ANKRD42: variants seen among roughly 807,000 people sequenced by gnomAD.
ANKRD42 encodes ankyrin repeat domain 42, also known as ankyrin repeat domain-containing protein 42.
ANKRD42 carries 43 observed loss-of-function variants against 51.5 expected under a neutral mutation model. The ratio of observed to expected loss-of-function variants is 0.83; its 90% confidence interval spans 0.65 to 1.08. ANKRD42 has a LOEUF of 1.08. ANKRD42 is among the 50% of genes least tolerant of loss of function. ANKRD42 has a pLI of 0.00. For missense variants in ANKRD42, 608 were observed against 629.3 expected (o/e 0.97, Z 0.36); for synonymous variants, 203 against 213.0 (o/e 0.95, Z 0.41).
chr11:83,245,834 T>C (rs1863525516), intron 10 of ANKRD42, among the ~76,000 whole-genome samples: 1 of 152,208 alleles, frequency 6.6e-6, no homozygotes, highest in African/African-American at 2.4e-5. Flanking sequence ...TAACCATTTT[T>C]TAAGTATACG....
chr11:83,212,622 A>T, intron 5 of ANKRD42: 1 of 1,471,614 alleles, frequency 6.8e-7, no homozygotes. Flanking sequence ...AATAATATGA[A>T]CAGGCCTGAT....
intron 9 of ANKRD42, 74 bp downstream of exon 9, chr11:83,241,008 C>A: frequency 6.7e-7 from 1 of 1,494,968 alleles, no homozygotes. Flanking sequence ...AATTTGGAAA[C>A]TATTCTAAAG....
intron 5 of ANKRD42, chr11:83,214,328 T>G (rs1862444473): frequency 9.7e-6 from 6 of 620,234 alleles, no homozygotes; most frequent in Non-Finnish European, 1.2e-5. Flanking sequence ...TTCATATTTA[T>G]ATTCCCAATC....
At chr11:83,245,354 G>T in intron 9 of ANKRD42, 144 bp from the exon 10 acceptor site, 2 of 759,520 alleles carry the variant, frequency 2.6e-6, no homozygotes, top group South Asian at 2.2e-5. Context: ...ATCCTTCTTT[G>T]TATATACCAA....
intron 5 of ANKRD42, among the ~76,000 whole-genome samples, chr11:83,212,239 G>A (rs535605658): frequency 1.3e-5 from 2 of 151,888 alleles, no homozygotes; most frequent in Non-Finnish European, 2.9e-5. Context: ...CTGCCACCAC[G>A]CCTGGCTACT....
downstream of ANKRD42, among the ~76,000 whole-genome samples, chr11:83,250,417 GAT>G (rs1250279007): frequency 6.6e-6 from 1 of 152,074 alleles, no homozygotes; most frequent in African/African-American, 2.4e-5. Flanking sequence ...GAGGTAGAAT[GAT>G]ATATATATTT....
downstream of ANKRD42, among the ~76,000 whole-genome samples, chr11:83,263,798 C>G (rs548525978): frequency 5.3e-5 from 8 of 152,270 alleles, no homozygotes; most frequent in African/African-American, 1.7e-4. Context: ...TTGAGGCACA[C>G]AGTCACAGAT....
chr11:83,249,085 A>ACACAG, downstream of ANKRD42: 1 of 718,016 alleles, frequency 1.4e-6, no homozygotes. Flanking sequence ...GGGCTAGAGG[A>ACACAG]CACAGCACCA....
downstream of ANKRD42, chr11:83,259,281 T>C (rs1184533190): frequency 1.3e-5 from 2 of 152,300 alleles, no homozygotes; most frequent in East Asian, 1.9e-4. Context: ...CTCATCCTTA[T>C]TTCATATATT....
downstream of ANKRD42, chr11:83,257,362 T>A (rs1863792114): frequency 2.2e-6 from 1 of 453,806 alleles, no homozygotes; most frequent in African/African-American, 2.0e-5. Context: ...AATTCTTTGC[T>A]AGCTGGAGGG....
At chr11:83,242,448 A>G (rs1484538927) in intron 9 of ANKRD42, among the ~76,000 whole-genome samples, 1 of 151,670 alleles carries the variant, frequency 6.6e-6, no homozygotes, top group Non-Finnish European at 1.5e-5. Flanking sequence ...GATTTGGTGT[A>G]TTTAGAAGAG....
At chr11:83,199,948 G>T (rs526933) in intron 2 of ANKRD42, among the ~76,000 whole-genome samples, 1 of 151,874 alleles carries the variant, frequency 6.6e-6, no homozygotes, top group Non-Finnish European at 1.5e-5. Context: ...GCTGGTATCC[G>T]TGGGTAGGTG....
At chr11:83,230,733 T>A (rs1452463077) in intron 7 of ANKRD42, among the ~76,000 whole-genome samples, 1 of 152,012 alleles carries the variant, frequency 6.6e-6, no homozygotes, top group African/African-American at 2.4e-5. Flanking sequence ...ACTACAGGTG[T>A]GTGCCACCAT....
chr11:83,234,466 A>C (rs948978263), intron 7 of ANKRD42, among the ~76,000 whole-genome samples: 3 of 152,188 alleles, frequency 2.0e-5, no homozygotes, highest in African/African-American at 7.2e-5. Flanking sequence ...ACAACTATAT[A>C]ATTTTTCTTG....
At position 83,212,640 on chromosome 11, in the gene ANKRD42, C is replaced by T. The variant is rs1415756124; in HGVS notation, c.586+1210C>T. ...AATATGAACAGGCCTGATCAAATCACTTTGCTATTTAGAACCTCCTTAGAT... is the reference window on the plus strand; with the variant it reads ...AATATGAACAGGCCTGATCAAATCATTTTGCTATTTAGAACCTCCTTAGAT... On this transcript the variant is annotated intron_variant, in intron 5 of 10. Coordinates refer to ENST00000533342, the MANE Select transcript of ANKRD42 (RefSeq NM_001300975.2). 5.2e-6 allele frequency: 8 copies of T among 1,529,382 alleles called. No individual in the cohort carries two copies. In the African/African-American group the frequency reaches 1.1e-4, roughly 21 times the overall value. 94.7% of individuals were successfully genotyped at this position (1,529,382 alleles called of 1,614,324 possible). A position where few individuals can be genotyped will look rare whatever the true frequency, so the allele number is the denominator to read the frequency against.
At chr11:83,245,746 T>G (rs886664924) in intron 10 of ANKRD42, 122 bp downstream of exon 10, 20 of 1,117,134 alleles carry the variant, frequency 1.8e-5, no homozygotes, top group Non-Finnish European at 2.5e-5. Flanking sequence ...CATCCTGTTT[T>G]TCTCCTAAGC....
At chr11:83,208,570 G>A (rs1862175827) in intron 3 of ANKRD42, among the ~76,000 whole-genome samples, 1 of 151,996 alleles carries the variant, frequency 6.6e-6, no homozygotes, top group South Asian at 2.1e-4. Flanking sequence ...AACCAGAGAG[G>A]GTAAAAATAG....
chr11:83,257,348 T>C (rs1863791784), downstream of ANKRD42: 1 of 452,946 alleles, frequency 2.2e-6, no homozygotes. Flanking sequence ...TCCAAGAGAG[T>C]CATAATTCTT....
chr11:83,254,328 CA>C (rs1863726311), intron 11 of ANKRD42, among the ~76,000 whole-genome samples: 1 of 151,954 alleles, frequency 6.6e-6, no homozygotes, highest in East Asian at 1.9e-4. Context: ...CTACATCTGA[CA>C]AGTAGCCACC....
Sources: gnomAD v4.1 joint callset for allele counts (sites outside exome capture counted in the v4.1 genomes callset) on GRCh38, gnomAD v4.1.1 for gene constraint, MANE v1.5 for transcripts, NCBI Gene and HGNC (gene_info 2026-07-23, HGNC 2026-07-21) for gene names.